Variants in PTPRT observed in about 807,000 individuals in gnomAD.
PTPRT encodes the protein receptor-type tyrosine-protein phosphatase T.
Under a neutral mutation model 176.8 loss-of-function variants are expected in PTPRT, and 56 were observed. The observed-to-expected ratio is 0.32, with a 90% confidence interval of 0.26 to 0.40. The LOEUF (loss-of-function observed/expected upper bound fraction) is 0.40. Ranked by LOEUF, PTPRT falls within the 10% of genes least tolerant of loss-of-function variation. The pLI, the probability that PTPRT is intolerant of heterozygous loss-of-function variation, is 1.00. For synonymous variants in PTPRT, 783 were observed against 739.0 expected (o/e 1.06, Z -0.96); for missense variants, 1,540 against 1,908.2 (o/e 0.81, Z 3.60).
At chr20:42,788,213 T>C (rs1445446311) in intron 3 of PTPRT, among the ~76,000 whole-genome samples, 5 of 145,720 alleles carry the variant, frequency 3.4e-5, no homozygotes, top group Admixed American at 2.8e-4. Context: ...TCACACCAAA[T>C]GACAACAGTC....
intron 1 of PTPRT, among the ~76,000 whole-genome samples, chr20:42,897,194 T>TA (rs955555427): frequency 4.6e-5 from 7 of 152,162 alleles, no homozygotes; most frequent in African/African-American, 9.6e-5. Flanking sequence ...ACTCCTAATA[T>TA]AAAAAAAAGT....
intron 9 of PTPRT, among the ~76,000 whole-genome samples, chr20:42,386,051 T>C (rs1258595071): frequency 6.6e-6 from 1 of 152,220 alleles, no homozygotes; most frequent in Non-Finnish European, 1.5e-5. Flanking sequence ...TGCATACACA[T>C]ATATAAAGCT....
At chr20:42,895,969 G>A (rs961953197) in intron 1 of PTPRT, among the ~76,000 whole-genome samples, 4 of 152,078 alleles carry the variant, frequency 2.6e-5, no homozygotes, top group African/African-American at 4.8e-5. Context: ...CCAAAGACTC[G>A]ATTGCAGAAT....
At chr20:43,105,038 G>A (rs1216686508) in intron 1 of PTPRT, among the ~76,000 whole-genome samples, 2 of 152,126 alleles carry the variant, frequency 1.3e-5, no homozygotes, top group Non-Finnish European at 2.9e-5. Context: ...AAGAAAAGCA[G>A]GCATTGTGAG....
At chr20:42,541,198 C>T (rs1314064371) in intron 7 of PTPRT, among the ~76,000 whole-genome samples, 2 of 151,864 alleles carry the variant, frequency 1.3e-5, no homozygotes, top group Non-Finnish European at 2.9e-5. Context: ...AATGTGATGC[C>T]AATAAAAACA....
chr20:42,369,781 C>T (rs547692799), intron 9 of PTPRT, among the ~76,000 whole-genome samples: 3 of 152,294 alleles, frequency 2.0e-5, no homozygotes, highest in South Asian at 2.1e-4. Flanking sequence ...GCCTGGGTAT[C>T]GGGTTTCCAA....
intron 1 of PTPRT, among the ~76,000 whole-genome samples, chr20:42,910,197 C>T (rs186768021): frequency 2.0e-5 from 3 of 152,278 alleles, no homozygotes; most frequent in Admixed American, 2.0e-4. Flanking sequence ...GAGTTCAAAA[C>T]TGTTTTGATT....
intron 9 of PTPRT, among the ~76,000 whole-genome samples, chr20:42,399,435 A>G (rs1355778394): frequency 6.6e-6 from 1 of 152,220 alleles, no homozygotes. Flanking sequence ...GGGGAGGAGA[A>G]AATGGCAGTG....
intron 16 of PTPRT, among the ~76,000 whole-genome samples, chr20:42,165,316 T>A (rs747902332): frequency 3.3e-5 from 5 of 152,170 alleles, no homozygotes; most frequent in Non-Finnish European, 7.3e-5. Context: ...CAATGCACGT[T>A]AGATATTGTG....
At chr20:42,967,920 T>A (rs577739494) in intron 1 of PTPRT, among the ~76,000 whole-genome samples, 3 of 152,122 alleles carry the variant, frequency 2.0e-5, no homozygotes, top group Non-Finnish European at 4.4e-5. Context: ...ATGAGGGACA[T>A]CAGGATAAAA....
At chr20:42,340,564 T>A (rs2058097379) in intron 11 of PTPRT, among the ~76,000 whole-genome samples, 1 of 152,200 alleles carries the variant, frequency 6.6e-6, no homozygotes, top group Admixed American at 6.5e-5. Flanking sequence ...TGAGCAGCCC[T>A]CAACAGCTGG....
chr20:42,204,792 A>AT (rs536056497), intron 15 of PTPRT, among the ~76,000 whole-genome samples: 109 of 152,104 alleles, frequency 7.2e-4, no homozygotes, highest in African/African-American at 2.5e-3. Context: ...CGGGAGAGGA[A>AT]TGAAGGGCTG....
chr20:42,527,284 G>A (rs946617363), intron 7 of PTPRT, among the ~76,000 whole-genome samples: 2 of 152,018 alleles, frequency 1.3e-5, no homozygotes, highest in African/African-American at 4.8e-5. Flanking sequence ...TCTTTATTCA[G>A]TGTTTCCTTC....
chr20:42,829,741 T>C (rs1376855821), intron 2 of PTPRT, among the ~76,000 whole-genome samples: 2 of 151,816 alleles, frequency 1.3e-5, no homozygotes, highest in Non-Finnish European at 2.9e-5. Flanking sequence ...TCCAAATAAA[T>C]CCAATTAGAA....
intron 1 of PTPRT, among the ~76,000 whole-genome samples, chr20:42,968,188 C>T (rs1038656660): frequency 6.6e-6 from 1 of 152,160 alleles, no homozygotes; most frequent in African/African-American, 2.4e-5. Context: ...ACCTCTACTG[C>T]CACACTTAAC....
At chr20:42,633,653 G>A (rs1190533259) in intron 7 of PTPRT, among the ~76,000 whole-genome samples, 1 of 148,018 alleles carries the variant, frequency 6.8e-6, no homozygotes. Context: ...GAGTGTGGTA[G>A]CACACGCCTG....
chr20:42,466,361 G>C lies in PTPRT; in HGVS notation c.1450+5905C>G, dbSNP rs62204862. 8.0e-3 allele frequency among the ~76,000 whole-genome samples: 1,221 copies of C among 152,250 alleles called. 11 individuals carry two copies. The highest frequency in any genetic ancestry group is 0.014 in the Middle Eastern group (4 of 294). On this transcript the variant is annotated intron_variant, in intron 8 of 30. Coordinates refer to ENST00000373187, the MANE Select transcript of PTPRT (RefSeq NM_007050.6). The stretch of plus-strand genomic sequence containing the variant: ...TTGAATTAAAAAGCATAGGTGGAAG[G>C]CAAACCTTTAAATGGAAACAAATGA...
intron 1 of PTPRT, among the ~76,000 whole-genome samples, chr20:43,146,088 T>C (rs1260799278): frequency 3.3e-5 from 5 of 152,190 alleles, no homozygotes; most frequent in Admixed American, 2.6e-4. Flanking sequence ...AATGAGCATA[T>C]ATTAGAAAAG....
Position 42,266,410 on chromosome 20 carries a change from C to A in PTPRT, c.2176+16079G>T, listed in dbSNP as rs558705352. 1.2e-3 allele frequency among the ~76,000 whole-genome samples: 178 copies of A among 152,260 alleles called. 2 individuals carry two copies. Among genetic ancestry groups the A allele is most frequent in the African/African-American group, 4.1e-3 (171 of 41,548 alleles). On this transcript the variant is annotated intron_variant, in intron 13 of 30. Coordinates refer to ENST00000373187, the MANE Select transcript of PTPRT (RefSeq NM_007050.6). ...CTCTTGGGCTCAGAAGTCCAGGCCA[C>A]CCCCTTGAGGCCTGGCTGAACTGCA...
Sources: gnomAD v4.1 joint callset for allele counts (sites outside exome capture counted in the v4.1 genomes callset) on GRCh38, gnomAD v4.1.1 for gene constraint, MANE v1.5 for transcripts, NCBI Gene and HGNC (gene_info 2026-07-23, HGNC 2026-07-21) for gene names.